The following TRHDE variants were observed in gnomAD, a reference collection of about 807,000 sequenced individuals.
TRHDE encodes the protein thyrotropin releasing hormone degrading enzyme.
In TRHDE, 72 loss-of-function variants were observed where a neutral mutation model predicts 125.7. That is an observed-to-expected ratio of 0.57 (90% CI 0.47 to 0.70). The LOEUF is 0.70. Ranked by LOEUF, TRHDE falls within the 30% of genes least tolerant of loss-of-function variation. TRHDE has a pLI of 0.00. For missense variants in TRHDE, 1,110 were observed against 1,327.1 expected, an observed-to-expected ratio of 0.84 and a Z score of 2.54; for synonymous variants, 509 against 509.1, an observed-to-expected ratio of 1.00 and a Z score of 0.00.
At chr12:72,445,029 A>G (rs1875207794) in intron 3 of TRHDE, among the ~76,000 whole-genome samples, 2 of 151,846 alleles carry the variant, frequency 1.3e-5, no homozygotes, top group Admixed American at 6.6e-5. Context: ...GACCTTTCCA[A>G]CAAGTACCTT....
chr12:72,472,409 A>AT (rs1202218539), intron 4 of TRHDE, among the ~76,000 whole-genome samples: 1 of 152,280 alleles, frequency 6.6e-6, no homozygotes, highest in Non-Finnish European at 1.5e-5. Flanking sequence ...AAATTACATT[A>AT]TTTTTCATGA....
At chr12:72,156,398 T>C (rs927611082) in intron 2 of TRHDE, among the ~76,000 whole-genome samples, 2 of 152,184 alleles carry the variant, frequency 1.3e-5, no homozygotes, top group African/African-American at 4.8e-5. Flanking sequence ...CTGCACCCAC[T>C]GTCCTACACC....
At position 72,155,930 on chromosome 12, in the gene TRHDE, A is replaced by G. The variant is rs181835899; in HGVS notation, n.279+50178A>G. ...ACTACTCTCTTAAAAGCTGTCAGACAGACACATTTAAGTCTGCAGAGTTTT... is the reference window on the plus strand; with the variant it reads ...ACTACTCTCTTAAAAGCTGTCAGACGGACACATTTAAGTCTGCAGAGTTTT... On this transcript the variant is annotated intron_variant and non_coding_transcript_variant, in intron 2 of 4. Transcript: ENST00000548156. Among the ~76,000 whole-genome samples, 186 of 152,346 alleles carry G rather than the reference A, an allele frequency of 1.2e-3. 1 individual carries two copies. The highest frequency in any genetic ancestry group is 1.8e-3 in the Non-Finnish European group (120 of 68,028).
chr12:72,160,092 G>A (rs1020833850), intron 2 of TRHDE, among the ~76,000 whole-genome samples: 1 of 152,090 alleles, frequency 6.6e-6, no homozygotes, highest in Non-Finnish European at 1.5e-5. Flanking sequence ...GCATAGGTTT[G>A]ATGTTCCTTT....
chr12:72,417,456 A>G (rs1225985510), intron 3 of TRHDE, among the ~76,000 whole-genome samples: 2 of 152,054 alleles, frequency 1.3e-5, no homozygotes, highest in Non-Finnish European at 2.9e-5. Flanking sequence ...AAGCCACAGC[A>G]TTACTCAGTC....
intron 6 of TRHDE, among the ~76,000 whole-genome samples, chr12:72,541,806 G>C (rs1454355936): frequency 6.6e-6 from 1 of 151,362 alleles, no homozygotes; most frequent in African/African-American, 2.4e-5. Flanking sequence ...AACCCAGACA[G>C]TCTGACTTCT....
chr12:72,173,428 A>G (rs1876919461), intron 2 of TRHDE, among the ~76,000 whole-genome samples: 1 of 152,208 alleles, frequency 6.6e-6, no homozygotes, highest in Admixed American at 6.5e-5. Context: ...ATAATTCATA[A>G]CAGGAGAAAG....
chr12:72,467,598 C>T (rs752666381), intron 3 of TRHDE, among the ~76,000 whole-genome samples: 2 of 152,012 alleles, frequency 1.3e-5, no homozygotes, highest in Admixed American at 6.6e-5. Flanking sequence ...GGGTGGATCA[C>T]GAGGTCAGAA....
intron 4 of TRHDE, among the ~76,000 whole-genome samples, chr12:72,470,863 CTTTTTTTTTTT>C (rs768937293): frequency 1.0e-4 from 7 of 67,940 alleles, no homozygotes; most frequent in South Asian, 1.2e-3. Flanking sequence ...TAAATGTCAG[CTTTTTTTTTTT>C]TTTTTTTTTT....
intron 2 of TRHDE, among the ~76,000 whole-genome samples, chr12:72,234,383 G>T (rs1047517418): frequency 6.6e-6 from 1 of 152,026 alleles, no homozygotes; most frequent in Non-Finnish European, 1.5e-5. Flanking sequence ...TCTCAGTCAA[G>T]CAGGGAAATT....
At position 72,115,775 on chromosome 12, in the gene TRHDE, G is replaced by A. The variant is rs1412935677; in HGVS notation, n.279+10023G>A. ...GGTGAGATGATGTCTGGTAGTTTTGGTTTGCATTTCTCTGATAATCAATGA... is the reference window on the plus strand; with the variant it reads ...GGTGAGATGATGTCTGGTAGTTTTGATTTGCATTTCTCTGATAATCAATGA... On this transcript the variant is annotated intron_variant and non_coding_transcript_variant, in intron 2 of 4. Transcript: ENST00000548156. Among the ~76,000 whole-genome samples, 8 of 151,958 alleles carry A rather than the reference G, an allele frequency of 5.3e-5. No homozygotes were observed. In the East Asian group the frequency reaches 1.5e-3, roughly 29 times the overall value.
At chr12:72,244,718 A>G (rs1357424306) in intron 2 of TRHDE, among the ~76,000 whole-genome samples, 1 of 152,096 alleles carries the variant, frequency 6.6e-6, no homozygotes, top group Non-Finnish European at 1.5e-5. Flanking sequence ...CTTTAAACAT[A>G]ACAATATATT....
chr12:72,575,076 T>TA (rs1870928386), intron 10 of TRHDE, among the ~76,000 whole-genome samples, 179 bp from the exon 11 acceptor site: 1 of 152,074 alleles, frequency 6.6e-6, no homozygotes, highest in Non-Finnish European at 1.5e-5. Flanking sequence ...AGTAACCAAT[T>TA]AAAAGTTTTT....
chr12:72,385,837 G>A lies in TRHDE; in HGVS notation c.1315+7716G>A, dbSNP rs183393157. Among the ~76,000 whole-genome samples, 647 of 152,210 alleles carry A rather than the reference G, an allele frequency of 4.3e-3. 1 individual carries two copies. Among genetic ancestry groups the A allele is most frequent in the African/African-American group, 0.014 (597 of 41,544 alleles). ...TTCAACCACTAATGCAAAAAAGAGA[G>A]ATAAGCACAATAGTAAGGATGAAAG... On this transcript the variant is annotated intron_variant, in intron 3 of 18. Transcript: ENST00000261180.
chr12:72,102,942 C>T (rs1308156585), intron 1 of TRHDE, among the ~76,000 whole-genome samples: 2 of 152,238 alleles, frequency 1.3e-5, no homozygotes, highest in Non-Finnish European at 2.9e-5. Context: ...TATCCAATGG[C>T]TTAACTAGGC....
At chr12:72,338,025 C>A (rs1279142873) in intron 2 of TRHDE, among the ~76,000 whole-genome samples, 1 of 152,126 alleles carries the variant, frequency 6.6e-6, no homozygotes, top group Non-Finnish European at 1.5e-5. Context: ...AATTTCGAAT[C>A]TGCAGGAATT....
intron 2 of TRHDE, among the ~76,000 whole-genome samples, chr12:72,140,831 T>C (rs1396461207): frequency 6.6e-6 from 1 of 152,106 alleles, no homozygotes; most frequent in Non-Finnish European, 1.5e-5. Flanking sequence ...GAACAGCCAA[T>C]AAAAATAGTG....
chr12:72,642,069 A>G (rs1425358933), intron 15 of TRHDE, among the ~76,000 whole-genome samples: 3 of 152,148 alleles, frequency 2.0e-5, no homozygotes, highest in Non-Finnish European at 2.9e-5. Flanking sequence ...GCAGTCTACA[A>G]CCTGGCAGGA....
Position 72,378,227 on chromosome 12 carries a change from T to C in TRHDE, c.1315+106T>C. On this transcript the variant is annotated intron_variant, in intron 3 of 18. Coordinates refer to ENST00000261180, the MANE Select transcript of TRHDE (RefSeq NM_013381.3). The stretch of plus-strand genomic sequence containing the variant: ...AGAAGCATGAAAATTCTGAGATTTA[T>C]ATTTTTAGAGAAGATAAGCACAAAA... 4 of 1,149,056 alleles carry C rather than the reference T, an allele frequency of 3.5e-6. 1 individual carries two copies. The highest frequency in any genetic ancestry group is 4.7e-6 in the Non-Finnish European group (4 of 858,028). 71.2% of individuals were successfully genotyped at this position (1,149,056 alleles called of 1,614,324 possible). A position where few individuals can be genotyped will look rare whatever the true frequency, so the allele number is the denominator to read the frequency against.
Sources: allele counts gnomAD v4.1 joint callset (sites outside exome capture counted in the v4.1 genomes callset), GRCh38; gene constraint gnomAD v4.1.1; transcripts MANE v1.5; gene names NCBI Gene and HGNC (gene_info 2026-07-23, HGNC 2026-07-21).